FCF1: variants seen among roughly 807,000 people sequenced by gnomAD.
The protein encoded by FCF1 is rRNA-processing protein FCF1 homolog.
A neutral mutation model predicts 32.5 loss-of-function variants in FCF1; 17 were observed. The observed-to-expected ratio is 0.52, with a 90% CI of 0.36 to 0.78. FCF1 has a LOEUF of 0.78. FCF1 is among the 30% of genes least tolerant of loss of function. The pLI, the probability that FCF1 is intolerant of heterozygous loss-of-function variation, is 0.00. For missense variants in FCF1, 201 were observed against 241.1 expected (o/e 0.83, Z 1.10); for synonymous variants, 84 against 78.4 (o/e 1.07, Z -0.38).
chr14:74,719,186 T>C (rs1224074424), intron 4 of FCF1, among the ~76,000 whole-genome samples: 1 of 143,224 alleles, frequency 7.0e-6, no homozygotes, highest in East Asian at 2.1e-4. Flanking sequence ...TGGTCCTAGC[T>C]ACAGATGCTC....
chr14:74,727,378 T>C (rs2140033974), intron 5 of FCF1, among the ~76,000 whole-genome samples: 1 of 152,194 alleles, frequency 6.6e-6, no homozygotes, highest in African/African-American at 2.4e-5. Context: ...CATTTTTTCA[T>C]GTGTTTTTTG....
chr14:74,732,652 A>T (rs1594792700), intron 5 of FCF1, 79 bp from the exon 6 acceptor site: 1 of 943,064 alleles, frequency 1.1e-6, no homozygotes, highest in East Asian at 2.4e-5. Context: ...CTCTGCATAG[A>T]TCATGTTACT....
intron 5 of FCF1, among the ~76,000 whole-genome samples, chr14:74,730,773 G>A (rs1052809659): frequency 1.3e-5 from 2 of 152,152 alleles, no homozygotes; most frequent in African/African-American, 2.4e-5. Flanking sequence ...GCTGAGGTAG[G>A]CAGATCATCT....
chr14:74,734,031 G>A (rs771787851), intron 6 of FCF1, 45 bp from the exon 7 acceptor site: 40 of 1,258,528 alleles, frequency 3.2e-5, no homozygotes, highest in South Asian at 2.3e-4. Context: ...TTCACTAAGC[G>A]TGCTCAGTGA....
rs146007853 is a variant in FCF1 at position 74,713,698 on chromosome 14, G to T, written c.71+146G>T. On this transcript the variant is annotated intron_variant, in intron 2 of 7. Coordinates refer to ENST00000341162, the MANE Select transcript of FCF1 (RefSeq NM_015962.5). Reference sequence around the variant, plus strand: ...AGCATGAGATAGCCAGTGTTTAACAGTAATTTAGCTGCTGAGCGATCACAC... The same window carrying T: ...AGCATGAGATAGCCAGTGTTTAACATTAATTTAGCTGCTGAGCGATCACAC... 2.5e-4 allele frequency: 172 copies of T among 682,908 alleles called. No homozygotes were observed. The East Asian group carries it at 4.6e-3, about 18-fold the overall frequency. The allele number at this position is 682,908 out of a possible 1,614,324, so 42.3% of individuals were successfully genotyped here.
intron 5 of FCF1, among the ~76,000 whole-genome samples, chr14:74,729,759 TACAC>T (rs1464230796): frequency 6.6e-6 from 1 of 152,182 alleles, no homozygotes; most frequent in Non-Finnish European, 1.5e-5. Context: ...AATTTCCCTC[TACAC>T]ACTGCTTTGA....
intron 6 of FCF1, 64 bp from the exon 7 acceptor site, chr14:74,734,012 T>C: frequency 9.6e-7 from 1 of 1,046,642 alleles, no homozygotes; most frequent in Non-Finnish European, 1.5e-6. Context: ...GTTGTGCCAT[T>C]ATCCAGTATT....
intron 4 of FCF1, among the ~76,000 whole-genome samples, chr14:74,722,707 G>A (rs568820371): frequency 6.6e-6 from 1 of 152,130 alleles, no homozygotes; most frequent in South Asian, 2.1e-4. Flanking sequence ...GCCCAAGACA[G>A]GAGGAATGAT....
At position 74,736,106 on chromosome 14, in the gene FCF1, T is replaced by C; in HGVS notation, c.*1176T>C. 6.6e-6 allele frequency: 1 copy of C among 152,490 alleles called. No homozygotes were observed. 9.4% of individuals were successfully genotyped at this position (152,490 alleles called of 1,614,324 possible). A position where few individuals can be genotyped will look rare whatever the true frequency, so the allele number is the denominator to read the frequency against. ...GCCACTGATGCTGTTTTGAAATTGA[T>C]ATTTTGTCTCATAAAAACTAGGCCA... is the stretch of plus-strand genomic sequence containing the variant. On this transcript the variant is annotated 3_prime_UTR_variant, in exon 8 of 8. Coordinates refer to ENST00000341162, the MANE Select transcript of FCF1 (RefSeq NM_015962.5).
rs1193671438 is a variant in FCF1, at chr14:74,735,971, G to A, written c.*1041G>A. 2.0e-5 allele frequency: 3 copies of A among 153,200 alleles called. No homozygotes were observed. Among genetic ancestry groups the A allele is most frequent in the South Asian group, 2.1e-4 (1 of 4,864 alleles). 9.5% of individuals were successfully genotyped at this position (153,200 alleles called of 1,614,324 possible). On this transcript the variant is annotated 3_prime_UTR_variant, in exon 8 of 8. Transcript: ENST00000341162. ...GGCTGGAGTGCAGTGGCGCAATCTC[G>A]GCTCATTGCAACCTCCGCCTCCCAG...
chr14:74,716,766 T>C (rs576172082), intron 4 of FCF1, among the ~76,000 whole-genome samples: 21 of 152,362 alleles, frequency 1.4e-4, no homozygotes, highest in African/African-American at 5.1e-4. Flanking sequence ...GGTTTATATT[T>C]ATATATTTTT....
chr14:74,723,933 CAA>C (rs1181756931), intron 5 of FCF1, among the ~76,000 whole-genome samples: 4 of 151,472 alleles, frequency 2.6e-5, no homozygotes, highest in Admixed American at 2.6e-4. Context: ...ACATAATCAA[CAA>C]AGGGCTTATT....
chr14:74,734,127 C>T lies in FCF1; in HGVS notation c.505C>T (p.Arg169Cys), dbSNP rs769520160. The change falls in exon 7 of 8, where the codon CGT becomes TGT. Residue 169 changes from arginine (R) to cysteine (C), a missense_variant. By Grantham distance (180) the Arg-to-Cys change is radical. This residue lies in a region of FCF1 where 121 missense variants were observed against 147.8 expected (regional missense o/e 0.82). Coordinates refer to ENST00000341162, the MANE Select transcript of FCF1 (RefSeq NM_015962.5). ...TVDRDLKRRI[R>C]KIPGVPIMYI... Reference sequence around the variant, plus strand: ...TGACCGGGACCTGAAAAGAAGAATCCGTAAGATTCCTGGAGTTCCTATCAT... The same window carrying T: ...TGACCGGGACCTGAAAAGAAGAATCTGTAAGATTCCTGGAGTTCCTATCAT... 2.3e-5 allele frequency: 37 copies of T among 1,613,488 alleles called. No individual in the cohort carries two copies. The highest frequency in any genetic ancestry group is 6.7e-5 in the East Asian group (3 of 44,886).
chr14:74,717,810 A>G (rs1218217436), intron 4 of FCF1, among the ~76,000 whole-genome samples: 1 of 152,148 alleles, frequency 6.6e-6, no homozygotes, highest in Non-Finnish European at 1.5e-5. Flanking sequence ...TCCACCAGTA[A>G]TATCTAGATA....
At position 74,713,338 on chromosome 14, in the gene FCF1, A is replaced by G. The variant is rs1371385301; in HGVS notation, c.3+138A>G. 8.2e-6 allele frequency: 13 copies of G among 1,586,274 alleles called. No individual in the cohort carries two copies. In the Middle Eastern group the frequency reaches 5.0e-4, roughly 61 times the overall value. Reference sequence around the variant, plus strand: ...TGGTCTTAGCTCTTAAACTTCTCCAAGCGGTGACTGTTATGCTTTACAGAG... The same window carrying G: ...TGGTCTTAGCTCTTAAACTTCTCCAGGCGGTGACTGTTATGCTTTACAGAG... On this transcript the variant is annotated intron_variant, in intron 1 of 7. Coordinates refer to ENST00000341162, the MANE Select transcript of FCF1 (RefSeq NM_015962.5).
At position 74,713,156 on chromosome 14, in the gene FCF1, C is replaced by T; in HGVS notation, c.-42C>T. 1.4e-5 allele frequency: 23 copies of T among 1,614,144 alleles called. No individual in the cohort carries two copies. Among genetic ancestry groups the T allele is most frequent in the Non-Finnish European group, 1.9e-5 (23 of 1,180,016 alleles). ...GTATGTGAATGACGTAGAAGTATTG[C>T]GCCGTTGGTGATTACGGAAGAACCA... On this transcript the variant is annotated 5_prime_UTR_variant, in exon 1 of 8. Transcript: ENST00000341162.
intron 7 of FCF1, 52 bp downstream of exon 7, chr14:74,734,222 TGA>T: frequency 9.6e-7 from 1 of 1,039,708 alleles, no homozygotes; most frequent in Non-Finnish European, 1.5e-6. Context: ...TGATATCAAT[TGA>T]AAATGAGGAT....
chr14:74,722,505 G>C (rs2090518229), intron 4 of FCF1, among the ~76,000 whole-genome samples: 1 of 151,906 alleles, frequency 6.6e-6, no homozygotes, highest in Admixed American at 6.6e-5. Flanking sequence ...TATAAAATAG[G>C]GATGATGATT....
intron 5 of FCF1, 121 bp downstream of exon 5, chr14:74,723,465 G>C (rs1008584613): frequency 3.3e-5 from 23 of 695,198 alleles, no homozygotes; most frequent in Non-Finnish European, 4.7e-5. Context: ...TATCATTTTT[G>C]GGGGGGTTGT....
Sources: gnomAD v4.1 joint callset for allele counts (sites outside exome capture counted in the v4.1 genomes callset) on GRCh38, gnomAD v4.1.1 for gene constraint, gnomAD v4.1.1 regional missense constraint, MANE v1.5 for transcripts, NCBI Gene and HGNC (gene_info 2026-07-23, HGNC 2026-07-21) for gene names.